SASH1: variants seen among roughly 807,000 people sequenced by gnomAD.
SASH1 encodes the protein SAM and SH3 domain-containing protein 1.
SASH1 carries 44 observed loss-of-function variants against 125.2 expected under a neutral mutation model. The observed-to-expected ratio is 0.35, with a 90% CI of 0.28 to 0.45. The LOEUF (loss-of-function observed/expected upper bound fraction) is 0.45. Among genes scored for constraint, SASH1 ranks in the 20% least tolerant of loss-of-function variants. The probability of loss-of-function intolerance (pLI) is 1.00; values close to 1 mark genes in which losing one functional copy is unlikely to be tolerated. For missense variants in SASH1, 1,426 were observed against 1,614.5 expected (o/e 0.88, Z 2.00); for synonymous variants, 639 against 649.1 (o/e 0.98, Z 0.24).
chr6:148,332,980 CCTT>C (rs1404908885), intron 1 of SASH1, among the ~76,000 whole-genome samples: 1 of 152,004 alleles, frequency 6.6e-6, no homozygotes, highest in Non-Finnish European at 1.5e-5. Flanking sequence ...GAGCGAGACT[CCTT>C]CTCAAAAAAT....
At chr6:148,326,683 T>C (rs999051752) in intron 1 of SASH1, among the ~76,000 whole-genome samples, 7 of 152,056 alleles carry the variant, frequency 4.6e-5, no homozygotes, top group Admixed American at 1.3e-4. Flanking sequence ...ATTACAGGCA[T>C]GAGCCACCTC....
chr6:148,309,828 G>C (rs561716246), intron 1 of SASH1, among the ~76,000 whole-genome samples: 1 of 152,110 alleles, frequency 6.6e-6, no homozygotes, highest in East Asian at 1.9e-4. Flanking sequence ...TTCATTTCTT[G>C]GGCAAAGGAG....
intron 1 of SASH1, among the ~76,000 whole-genome samples, chr6:148,301,174 A>G (rs1779931946): frequency 1.3e-5 from 2 of 151,712 alleles, no homozygotes; most frequent in Admixed American, 1.3e-4. Context: ...TAAAAATACA[A>G]AATTAGCCGG....
intron 4 of SASH1, among the ~76,000 whole-genome samples, chr6:148,454,346 A>G: frequency 6.6e-6 from 1 of 152,212 alleles, no homozygotes; most frequent in Non-Finnish European, 1.5e-5. Context: ...GCACGGAAAA[A>G]AAAGAGCTAC....
chr6:148,418,423 C>T (rs1784913574), intron 2 of SASH1, among the ~76,000 whole-genome samples: 1 of 152,176 alleles, frequency 6.6e-6, no homozygotes, highest in Non-Finnish European at 1.5e-5. Context: ...CTTCCGTGAA[C>T]ATGTTTCTGT....
intron 2 of SASH1, among the ~76,000 whole-genome samples, chr6:148,434,890 G>A (rs1776228954): frequency 6.6e-6 from 1 of 152,060 alleles, no homozygotes. Flanking sequence ...CAAAGTTTAT[G>A]TGCATATCAT....
chr6:148,430,246 T>TATG (rs1776008035), intron 2 of SASH1, among the ~76,000 whole-genome samples: 1 of 152,248 alleles, frequency 6.6e-6, no homozygotes, highest in Non-Finnish European at 1.5e-5. Context: ...TAAGAGGGTT[T>TATG]ATGATCAGGC....
chr6:148,430,040 G>T (rs552866028), intron 2 of SASH1, among the ~76,000 whole-genome samples: 20 of 152,324 alleles, frequency 1.3e-4, no homozygotes, highest in African/African-American at 4.8e-4. Flanking sequence ...AGTCATTGGT[G>T]TGCCCATACT....
intron 8 of SASH1, chr6:148,512,842 C>G (rs1780225361): frequency 1.0e-6 from 1 of 985,146 alleles, no homozygotes; most frequent in African/African-American, 1.7e-5. Flanking sequence ...AGAAACACTT[C>G]TGTCCTGATG....
chr6:148,219,161 A>G, the SASH1 span, among the ~76,000 whole-genome samples: 2 of 152,094 alleles, frequency 1.3e-5, no homozygotes, highest in Non-Finnish European at 2.9e-5. Context: ...GCCTGGCCAC[A>G]TTTTATCTTG....
chr6:148,309,720 G>A (rs946236836), intron 1 of SASH1, among the ~76,000 whole-genome samples: 1 of 151,786 alleles, frequency 6.6e-6, no homozygotes, highest in Non-Finnish European at 1.5e-5. Context: ...AAGACTTAGG[G>A]TATGAAGGTC....
the SASH1 span, among the ~76,000 whole-genome samples, chr6:148,264,112 G>A: frequency 2.0e-5 from 3 of 150,144 alleles, no homozygotes; most frequent in Middle Eastern, 3.2e-3. Flanking sequence ...TGATGAAAGG[G>A]AGACCTGAAG....
In SASH1 at chr6:148,474,134, G is replaced by C. The variant is rs1415864935; in HGVS notation, c.539G>C (p.Ser180Thr). Reference protein sequence around the residue: ...SKGEDVGYVASEITMSDEERI... With the variant: ...SKGEDVGYVATEITMSDEERI... ...GGAGAAGACGTTGGTTATGTTGCCA[G>C]TGAAATAACGATGAGCGATGAGGAG... is the stretch of plus-strand genomic sequence containing the variant. Residue 180 changes from serine to threonine, a missense_variant, in exon 7 of 20, where the codon AGT becomes ACT. Around this residue, in one of 3 missense-constraint regions of SASH1, gnomAD observed 567 missense variants for 575.6 expected, o/e 0.99. Coordinates refer to ENST00000367467, the MANE Select transcript of SASH1 (RefSeq NM_015278.5). The C allele has an allele frequency of 1.2e-6, 2 of 1,611,734 alleles. No homozygotes were observed. Among genetic ancestry groups the C allele is most frequent in the South Asian group, 1.1e-5 (1 of 90,268 alleles).
intron 10 of SASH1, chr6:148,520,223 C>G (rs1780728704): frequency 3.9e-6 from 1 of 258,568 alleles, no homozygotes; most frequent in Non-Finnish European, 7.5e-6. Context: ...TGAACCTGAC[C>G]CAGCTAGTGC....
intron 4 of SASH1, among the ~76,000 whole-genome samples, chr6:148,458,219 G>C (rs1482156087): frequency 1.3e-5 from 2 of 152,174 alleles, no homozygotes; most frequent in Non-Finnish European, 2.9e-5. Flanking sequence ...TTCCAGGAGG[G>C]ATAATGGGAA....
chr6:148,221,186 G>A, the SASH1 span, among the ~76,000 whole-genome samples: 8 of 152,084 alleles, frequency 5.3e-5, no homozygotes, highest in Admixed American at 4.6e-4. Flanking sequence ...AAAAACTACA[G>A]GAGGTCATTT....
intron 1 of SASH1, among the ~76,000 whole-genome samples, chr6:148,304,027 G>A (rs116392885): frequency 0.018 from 2,730 of 152,152 alleles, 76 homozygotes; most frequent in African/African-American, 0.062. Flanking sequence ...ATCGGGGGCC[G>A]GGTGCGATGG....
intron 1 of SASH1, among the ~76,000 whole-genome samples, chr6:148,377,204 AACAAAACAAAC>A (rs1244982147): frequency 2.6e-5 from 2 of 76,754 alleles, no homozygotes; most frequent in Admixed American, 1.5e-4. Flanking sequence ...ACAAAAAAAA[AACAAAACAAAC>A]AAACAAACAA....
At chr6:148,263,352 G>A in the SASH1 span, among the ~76,000 whole-genome samples, 1 of 152,196 alleles carries the variant, frequency 6.6e-6, no homozygotes, top group Non-Finnish European at 1.5e-5. Context: ...CAGTTCTGAG[G>A]TTCACTGAGC....
Sources: gnomAD v4.1 joint callset for allele counts (sites outside exome capture counted in the v4.1 genomes callset) on GRCh38, gnomAD v4.1.1 for gene constraint, gnomAD v4.1.1 regional missense constraint, MANE v1.5 for transcripts, NCBI Gene and HGNC (gene_info 2026-07-23, HGNC 2026-07-21) for gene names.